DNAH14: variants seen among roughly 807,000 people sequenced by gnomAD.
The protein encoded by DNAH14 is axonemal beta dynein heavy chain 14.
Under a neutral mutation model 520.9 loss-of-function variants are expected in DNAH14, and 478 were observed. The observed-to-expected ratio is 0.92, with a 90% confidence interval of 0.85 to 0.99. The LOEUF is 0.99. DNAH14 is among the 50% of genes least tolerant of loss of function. DNAH14 has a pLI of 0.00. For missense variants in DNAH14, 4,831 were observed against 5,234.5 expected, an observed-to-expected ratio of 0.92 and a Z score of 2.38; for synonymous variants, 1,581 against 1,757.2, an observed-to-expected ratio of 0.90 and a Z score of 2.51.
At chr1:224,995,263 A>T (rs1328186500) in intron 8 of DNAH14, among the ~76,000 whole-genome samples, 4 of 152,056 alleles carry the variant, frequency 2.6e-5, no homozygotes, top group African/African-American at 9.7e-5. Context: ...TTTGTCTGGG[A>T]AAGTTTTTAT....
intron 8 of DNAH14, among the ~76,000 whole-genome samples, chr1:224,998,559 A>G (rs562963957): frequency 6.6e-6 from 1 of 152,108 alleles, no homozygotes; most frequent in South Asian, 2.1e-4. Flanking sequence ...GTGTTTAGAT[A>G]TTTTATTATT....
intron 27 of DNAH14, among the ~76,000 whole-genome samples, chr1:225,123,942 G>A (rs1220592771): frequency 6.6e-6 from 1 of 151,608 alleles, no homozygotes; most frequent in African/African-American, 2.4e-5. Flanking sequence ...TAGTAGAGAT[G>A]GGGTTTTGTA....
At chr1:224,941,692 G>A (rs1477676929) in intron 1 of DNAH14, among the ~76,000 whole-genome samples, 1 of 152,186 alleles carries the variant, frequency 6.6e-6, no homozygotes, top group Non-Finnish European at 1.5e-5. Context: ...TATACCAGGT[G>A]TAAGGAAGGG....
chr1:224,951,540 G>C (rs759610784), intron 1 of DNAH14, among the ~76,000 whole-genome samples: 6 of 151,680 alleles, frequency 4.0e-5, no homozygotes, highest in Non-Finnish European at 7.4e-5. Context: ...TATTCTTTGG[G>C]TCATGACTAG....
At chr1:225,268,648 C>A (rs1056868892) in intron 49 of DNAH14, among the ~76,000 whole-genome samples, 19 of 152,274 alleles carry the variant, frequency 1.2e-4, no homozygotes, top group South Asian at 6.2e-4. Flanking sequence ...TACAAAATCA[C>A]TGTGCAAAAA....
intron 22 of DNAH14, 32 bp downstream of exon 22, chr1:225,097,271 T>C (rs2075068606): frequency 2.4e-5 from 36 of 1,499,622 alleles, no homozygotes; most frequent in Non-Finnish European, 3.2e-5. Context: ...ATATACAGGT[T>C]CAAAATGCAT....
intron 8 of DNAH14, among the ~76,000 whole-genome samples, chr1:224,979,368 G>C (rs1026078575): frequency 2.6e-5 from 4 of 152,128 alleles, no homozygotes; most frequent in Non-Finnish European, 5.9e-5. Context: ...TGAACTCAGT[G>C]CTGCCCTGTC....
At chr1:224,957,222 C>T (rs2060572909) in intron 3 of DNAH14, among the ~76,000 whole-genome samples, 1 of 151,988 alleles carries the variant, frequency 6.6e-6, no homozygotes, top group Non-Finnish European at 1.5e-5. Flanking sequence ...GATACCTACA[C>T]TTTGGGCTTG....
intron 21 of DNAH14, among the ~76,000 whole-genome samples, chr1:225,087,231 T>G (rs1254226471): frequency 6.6e-6 from 1 of 152,206 alleles, no homozygotes; most frequent in East Asian, 1.9e-4. Flanking sequence ...TGCTACATTA[T>G]TATCCTATGG....
At chr1:225,009,033 A>C (rs201902898) in intron 10 of DNAH14, among the ~76,000 whole-genome samples, 8,372 of 152,172 alleles carry the variant, frequency 0.055, 470 homozygotes, top group East Asian at 0.23. Context: ...GATAGATTGT[A>C]AAAATTTTCT....
At position 225,081,495 on chromosome 1, in the gene DNAH14, C is replaced by T. The variant is rs543854059; in HGVS notation, c.3136+747C>T. 5.3e-5 allele frequency among the ~76,000 whole-genome samples: 8 copies of T among 152,282 alleles called. No individual in the cohort carries two copies. The South Asian group carries it at 6.2e-4, about 12-fold the overall frequency. The stretch of plus-strand genomic sequence containing the variant: ...TCAATATTTTGTTATATACGTGCTT[C>T]GGAGAACAGTAAAGTAACAACTAGA... On this transcript the variant is annotated intron_variant, in intron 19 of 85. Transcript: ENST00000682510.
rs764160191 is a variant in DNAH14, at chr1:225,270,798, C to T, written c.7603C>T (p.Leu2535Phe). The T allele has an allele frequency of 5.9e-5, 91 of 1,551,074 alleles. No individual in the cohort carries two copies. The Middle Eastern group carries it at 8.3e-4, about 14-fold the overall frequency. Residue 2535 changes from leucine to phenylalanine, a missense_variant, in exon 50 of 86, where the codon CTT (leucine) becomes TTT (phenylalanine). By Grantham distance (22) the Leu-to-Phe change is conservative. Coordinates refer to ENST00000682510, the MANE Select transcript of DNAH14 (RefSeq NM_001367479.1). The stretch of plus-strand genomic sequence containing the variant: ...AGTTGTGAATGATATCAGCCCACGT[C>T]TTCTCAAACACTTTTCCATGCTGGT... ...VPVVNDISPR[L>F]LKHFSMLVLP...
At chr1:225,319,063 T>G (rs2094515616) in intron 61 of DNAH14, among the ~76,000 whole-genome samples, 1 of 152,212 alleles carries the variant, frequency 6.6e-6, no homozygotes, top group African/African-American at 2.4e-5. Context: ...AGGACAATGT[T>G]TACACATTGT....
At chr1:224,990,616 T>C (rs2062971296) in intron 8 of DNAH14, among the ~76,000 whole-genome samples, 1 of 152,228 alleles carries the variant, frequency 6.6e-6, no homozygotes, top group Non-Finnish European at 1.5e-5. Flanking sequence ...ATTCTATCCA[T>C]GTTGTGTCAT....
intron 83 of DNAH14, among the ~76,000 whole-genome samples, chr1:225,391,138 G>A (rs1226232709): frequency 6.6e-6 from 1 of 152,186 alleles, no homozygotes; most frequent in African/African-American, 2.4e-5. Flanking sequence ...GCAAAGTTGG[G>A]CACGGCTGGC....
intron 64 of DNAH14, among the ~76,000 whole-genome samples, chr1:225,330,957 T>A (rs948088519): frequency 2.0e-5 from 3 of 151,952 alleles, no homozygotes; most frequent in African/African-American, 7.3e-5. Flanking sequence ...AAAATAAAAA[T>A]AAAAAATAAT....
At position 225,255,137 on chromosome 1, in the gene DNAH14, G is replaced by C. The variant is rs149334977; in HGVS notation, c.6865+2720G>C. On this transcript the variant is annotated intron_variant, in intron 44 of 85. Coordinates refer to ENST00000682510, the MANE Select transcript of DNAH14 (RefSeq NM_001367479.1). ...TCTTTCTTGTTATCATGGGCAGGGG[G>C]TAGTTATTGGAAGGAAACATTTGCT... Among the ~76,000 whole-genome samples, 50 of 152,296 alleles carry C rather than the reference G, an allele frequency of 3.3e-4. No individual in the cohort carries two copies. In the South Asian group the frequency reaches 5.0e-3, roughly 15 times the overall value.
intron 48 of DNAH14, among the ~76,000 whole-genome samples, chr1:225,265,716 A>G (rs986216793): frequency 5.9e-5 from 9 of 152,178 alleles, no homozygotes; most frequent in African/African-American, 1.7e-4. Flanking sequence ...TTTCAATTCA[A>G]TTTCAGGAGC....
At chr1:225,089,464 A>AAAAAAAG (rs775049047) in intron 21 of DNAH14, among the ~76,000 whole-genome samples, 4 of 138,414 alleles carry the variant, frequency 2.9e-5, no homozygotes, top group South Asian at 2.4e-4. Flanking sequence ...AAAAAAAAAA[A>AAAAAAAG]AGAGAGCGAG....
Sources: gnomAD v4.1 joint callset for allele counts (sites outside exome capture counted in the v4.1 genomes callset) on GRCh38, gnomAD v4.1.1 for gene constraint, MANE v1.5 for transcripts, NCBI Gene and HGNC (gene_info 2026-07-23, HGNC 2026-07-21) for gene names.